Variants in CCSER1 observed in about 807,000 individuals in gnomAD.
The protein encoded by CCSER1 is coiled-coil serine rich protein 1.
CCSER1 carries 41 observed loss-of-function variants against 82.0 expected under a neutral mutation model. The ratio of observed to expected loss-of-function variants is 0.50; its 90% CI spans 0.39 to 0.65. The LOEUF (loss-of-function observed/expected upper bound fraction) is 0.65. CCSER1 is among the 30% of genes least tolerant of loss of function. The pLI, the probability that CCSER1 is intolerant of heterozygous loss-of-function variation, is 0.00. For synonymous variants in CCSER1, 414 were observed against 383.9 expected, an observed-to-expected ratio of 1.08 and a Z score of -0.92; for missense variants, 1,119 against 1,064.2, an observed-to-expected ratio of 1.05 and a Z score of -0.72.
At chr4:91,590,480 G>A (rs1440939862) in intron 10 of CCSER1, among the ~76,000 whole-genome samples, 1 of 152,058 alleles carries the variant, frequency 6.6e-6, no homozygotes, top group Non-Finnish European at 1.5e-5. Context: ...CACGTCTAAG[G>A]CTACAAACAG....
At chr4:90,510,436 T>A (rs1350109014) in intron 5 of CCSER1, among the ~76,000 whole-genome samples, 1 of 150,782 alleles carries the variant, frequency 6.6e-6, no homozygotes, top group East Asian at 1.9e-4. Flanking sequence ...ATAACATTAA[T>A]TTTTTTTATG....
intron 1 of CCSER1, among the ~76,000 whole-genome samples, chr4:90,272,150 C>G (rs949251898): frequency 6.6e-6 from 1 of 151,848 alleles, no homozygotes; most frequent in Non-Finnish European, 1.5e-5. Context: ...GATTACAATT[C>G]AAGATGAGAT....
intron 3 of CCSER1, among the ~76,000 whole-genome samples, chr4:90,398,759 G>T (rs149428326): frequency 5.3e-5 from 8 of 152,088 alleles, no homozygotes; most frequent in African/African-American, 9.7e-5. Context: ...CATTACCTTC[G>T]TTTGGAGAAA....
At chr4:91,221,865 A>C (rs752943586) in intron 10 of CCSER1, among the ~76,000 whole-genome samples, 3 of 152,150 alleles carry the variant, frequency 2.0e-5, no homozygotes, top group Non-Finnish European at 4.4e-5. Flanking sequence ...GGGGTATACT[A>C]TGGATAATTA....
chr4:90,418,832 T>C (rs1756212772), intron 4 of CCSER1, among the ~76,000 whole-genome samples: 1 of 152,076 alleles, frequency 6.6e-6, no homozygotes, highest in Non-Finnish European at 1.5e-5. Flanking sequence ...TATTGAAGCA[T>C]ATACATTGTG....
intron 7 of CCSER1, among the ~76,000 whole-genome samples, chr4:90,771,032 A>G (rs1329617570): frequency 6.6e-6 from 1 of 152,158 alleles, no homozygotes; most frequent in African/African-American, 2.4e-5. Flanking sequence ...ACTCATGATT[A>G]TCCTCCAAGT....
intron 6 of CCSER1, among the ~76,000 whole-genome samples, chr4:90,662,775 G>A (rs577900667): frequency 8.5e-5 from 13 of 152,134 alleles, no homozygotes; most frequent in Admixed American, 3.9e-4. Flanking sequence ...TTTTCATTAC[G>A]CTCTTGTCTT....
At chr4:90,520,758 A>G (rs1773001378) in intron 5 of CCSER1, among the ~76,000 whole-genome samples, 1 of 152,156 alleles carries the variant, frequency 6.6e-6, no homozygotes, top group Non-Finnish European at 1.5e-5. Context: ...ATGTGATGCA[A>G]ATTTAGGCAA....
chr4:91,331,318 A>C (rs1746937874), intron 10 of CCSER1, among the ~76,000 whole-genome samples: 1 of 151,888 alleles, frequency 6.6e-6, no homozygotes, highest in South Asian at 2.1e-4. Flanking sequence ...TTAATTTTTC[A>C]TTTTATTACT....
At chr4:90,977,961 G>A (rs1326169814) in intron 9 of CCSER1, among the ~76,000 whole-genome samples, 1 of 151,572 alleles carries the variant, frequency 6.6e-6, no homozygotes, top group East Asian at 1.9e-4. Flanking sequence ...GGCATTCAAT[G>A]ATGTCATTAA....
intron 5 of CCSER1, among the ~76,000 whole-genome samples, chr4:90,492,612 G>A (rs1442612761): frequency 1.3e-5 from 2 of 152,102 alleles, no homozygotes; most frequent in Non-Finnish European, 2.9e-5. Context: ...TGTGATGTTA[G>A]GGTGTCAATT....
chr4:90,260,701 A>T (rs72877782), intron 1 of CCSER1, among the ~76,000 whole-genome samples: 6,811 of 152,064 alleles, frequency 0.045, 396 homozygotes, highest in African/African-American at 0.13. Context: ...GTGGTTTTCT[A>T]ATTTTTTATT....
At chr4:91,414,335 G>T (rs1329586643) in intron 10 of CCSER1, among the ~76,000 whole-genome samples, 1 of 152,038 alleles carries the variant, frequency 6.6e-6, no homozygotes, top group Non-Finnish European at 1.5e-5. Context: ...TGCAATTGAA[G>T]TTAAGTTGTT....
At chr4:90,765,996 TGACACCAAAGA>T (rs1342866704) in intron 7 of CCSER1, among the ~76,000 whole-genome samples, 3 of 152,066 alleles carry the variant, frequency 2.0e-5, no homozygotes, top group Admixed American at 6.6e-5. Flanking sequence ...GGTTGGTGGT[TGACACCAAAGA>T]GGTTAGCAGG....
rs144219084 is a variant in CCSER1 at position 91,309,889 on chromosome 4, C to G, written c.2217+223895C>G. On this transcript the variant is annotated intron_variant, in intron 10 of 10. Coordinates refer to ENST00000509176, the MANE Select transcript of CCSER1 (RefSeq NM_001145065.2). Reference sequence around the variant, plus strand: ...GCCACAAACTGGGTGGCTTAACCAACAGCAATTTATTGTCTCAGATTTCTG... The same window carrying G: ...GCCACAAACTGGGTGGCTTAACCAAGAGCAATTTATTGTCTCAGATTTCTG... 3.5e-3 allele frequency among the ~76,000 whole-genome samples: 530 copies of G among 152,054 alleles called. 6 individuals carry two copies. The highest frequency in any genetic ancestry group is 0.012 in the African/African-American group (480 of 41,520).
intron 7 of CCSER1, among the ~76,000 whole-genome samples, chr4:90,808,888 G>A (rs973577780): frequency 1.3e-5 from 2 of 151,952 alleles, no homozygotes; most frequent in African/African-American, 4.8e-5. Flanking sequence ...CTCACTACTG[G>A]GTATCTACCC....
intron 5 of CCSER1, among the ~76,000 whole-genome samples, chr4:90,478,513 T>C (rs1043354935): frequency 6.6e-6 from 1 of 152,176 alleles, no homozygotes; most frequent in Non-Finnish European, 1.5e-5. Context: ...GTCTTTAAAA[T>C]AATAAATTGG....
chr4:90,886,033 C>T (rs1168416454), intron 8 of CCSER1, among the ~76,000 whole-genome samples: 1 of 152,040 alleles, frequency 6.6e-6, no homozygotes, highest in East Asian at 1.9e-4. Context: ...CATTGGTGTT[C>T]TCCAGTGACC....
chr4:91,487,075 T>G (rs1311797480), intron 10 of CCSER1, among the ~76,000 whole-genome samples: 2 of 152,070 alleles, frequency 1.3e-5, no homozygotes, highest in African/African-American at 4.8e-5. Context: ...TTAAAGAAAC[T>G]ATTAATTTAC....
Sources: allele counts gnomAD v4.1 joint callset (sites outside exome capture counted in the v4.1 genomes callset), GRCh38; gene constraint gnomAD v4.1.1; transcripts MANE v1.5; gene names NCBI Gene and HGNC (gene_info 2026-07-23, HGNC 2026-07-21).